The following MYOZ3 variants were observed in gnomAD, a reference collection of about 807,000 sequenced individuals.
MYOZ3 encodes the protein myozenin 3, also known as myozenin-3.
A neutral mutation model predicts 26.5 loss-of-function variants in MYOZ3; 19 were observed. That is an observed-to-expected ratio of 0.72 (90% confidence interval 0.50 to 1.05). The LOEUF is 1.05. Ranked by LOEUF, MYOZ3 falls within the 50% of genes least tolerant of loss-of-function variation. The probability of loss-of-function intolerance (pLI) is 0.00; values close to 1 mark genes in which losing one functional copy is unlikely to be tolerated. For synonymous variants in MYOZ3, 135 were observed against 138.8 expected (o/e 0.97, Z 0.19); for missense variants, 322 against 337.1 (o/e 0.96, Z 0.35).
At chr5:150,661,675 T>C (rs750117139) in intron 1 of MYOZ3, among the ~76,000 whole-genome samples, 2 of 152,178 alleles carry the variant, frequency 1.3e-5, no homozygotes, top group Non-Finnish European at 2.9e-5. Flanking sequence ...CTCAGGACTT[T>C]GGGATTTTTA....
chr5:150,664,633 T>A (rs1758781409), intron 2 of MYOZ3, among the ~76,000 whole-genome samples: 1 of 152,184 alleles, frequency 6.6e-6, no homozygotes, highest in Non-Finnish European at 1.5e-5. Context: ...CCACCACAAC[T>A]CCCTAAGTTA....
At chr5:150,666,518 G>A (rs1269351606) in intron 2 of MYOZ3, among the ~76,000 whole-genome samples, 1 of 150,552 alleles carries the variant, frequency 6.6e-6, no homozygotes, top group Non-Finnish European at 1.5e-5. Flanking sequence ...CGAGACTGAG[G>A]CAGGAGAATC....
intron 6 of MYOZ3, among the ~76,000 whole-genome samples, chr5:150,674,665 C>T (rs186342908): frequency 6.6e-6 from 1 of 152,220 alleles, no homozygotes; most frequent in African/African-American, 2.4e-5. Flanking sequence ...CCACTGGTCC[C>T]AGGCTGCTGG....
rs967031182 is a variant in MYOZ3 at position 150,677,481 on chromosome 5, C to T, written c.*606C>T. 6.6e-6 allele frequency: 1 copy of T among 152,588 alleles called. No individual in the cohort carries two copies. Among genetic ancestry groups the T allele is most frequent in the Non-Finnish European group, 1.5e-5 (1 of 68,262 alleles). 9.5% of individuals were successfully genotyped at this position (152,588 alleles called of 1,614,324 possible). A position where few individuals can be genotyped will look rare whatever the true frequency, so the allele number is the denominator to read the frequency against. On this transcript the variant is annotated 3_prime_UTR_variant, in exon 7 of 7. Coordinates refer to ENST00000517768, the MANE Select transcript of MYOZ3 (RefSeq NM_001122853.3). ...AGTACTCCAGGTGATTCCAGCATAA[C>T]TTATCCATGGTTTGTGTCATTAGGA...
At chr5:150,667,955 T>C (rs1177365431) in intron 2 of MYOZ3, among the ~76,000 whole-genome samples, 1 of 152,244 alleles carries the variant, frequency 6.6e-6, no homozygotes, top group Non-Finnish European at 1.5e-5. Context: ...AGTAATGATT[T>C]GATACCATTT....
chr5:150,666,630 A>AAT (rs1554113785), intron 2 of MYOZ3, among the ~76,000 whole-genome samples: 2,223 of 122,706 alleles, frequency 0.018, 38 homozygotes, highest in African/African-American at 0.037. Flanking sequence ...AAAAAAAAAA[A>AAT]ATATATATAT....
intron 2 of MYOZ3, among the ~76,000 whole-genome samples, chr5:150,666,849 C>T (rs1047115431): frequency 2.6e-5 from 4 of 151,774 alleles, no homozygotes; most frequent in Admixed American, 1.3e-4. Context: ...CAAACTTCAC[C>T]TCCACCTTCA....
In MYOZ3 at chr5:150,676,906, C is replaced by T. The variant is rs112408743; in HGVS notation, c.*31C>T. On this transcript the variant is annotated 3_prime_UTR_variant, in exon 7 of 7. Transcript: ENST00000517768. ...GCCTGAATCTTCAGTTCCCCAGTCT[C>T]GGGGGCCTGGTAACATCCGGAGCCA... The T allele has an allele frequency of 1.4e-5, 22 of 1,583,846 alleles. No individual in the cohort carries two copies. The highest frequency in any genetic ancestry group is 1.1e-4 in the East Asian group (5 of 44,470).
rs746584047 is a variant in MYOZ3 at position 150,671,588 on chromosome 5, C to T, written c.217-9C>T. On this transcript the variant is annotated splice_polypyrimidine_tract_variant and intron_variant, in intron 3 of 6. Coordinates refer to ENST00000517768, the MANE Select transcript of MYOZ3 (RefSeq NM_001122853.3). ...TTCTCTGCGGTTTATTCTACCCCCT[C>T]GTTCCCAGATGCTGGCCGGAAGCGC... 7 of 1,613,674 alleles carry T rather than the reference C, an allele frequency of 4.3e-6. No individual in the cohort carries two copies. The highest frequency in any genetic ancestry group is 5.9e-6 in the Non-Finnish European group (7 of 1,179,850).
intron 2 of MYOZ3, among the ~76,000 whole-genome samples, chr5:150,669,319 G>A (rs895927464): frequency 2.0e-5 from 3 of 151,774 alleles, no homozygotes; most frequent in African/African-American, 4.8e-5. Context: ...GTGGTGGTGC[G>A]CACCTGTAAT....
rs532402882 is a variant in MYOZ3, at chr5:150,669,633, CTTTTTTTTTTTTTTTTTTT to C, written c.62-837_62-819del. The stretch of plus-strand genomic sequence containing the variant: ...CAACTTTCCTCAGGGCCCATATATG[CTTTTTTTTTTTTTTTTTTT>C]TTTTTTTTTTTTTGATGGAAAATCA... On this transcript the variant is annotated intron_variant, in intron 2 of 6. Transcript: ENST00000517768. 4.3e-3 allele frequency among the ~76,000 whole-genome samples: 203 copies of C among 47,756 alleles called. 5 individuals are homozygous for C. Among genetic ancestry groups the C allele is most frequent in the Non-Finnish European group, 7.6e-3 (157 of 20,758 alleles). The allele number at this position is 47,756 out of a possible 152,430, so 31.3% of individuals were successfully genotyped here. A position where few individuals can be genotyped will look rare whatever the true frequency, so the allele number is the denominator to read the frequency against.
At chr5:150,666,033 T>TAAAAAAAAAAA (rs61227926) in intron 2 of MYOZ3, among the ~76,000 whole-genome samples, 3 of 115,816 alleles carry the variant, frequency 2.6e-5, no homozygotes, top group Non-Finnish European at 3.6e-5. Context: ...GAAACTCGTC[T>TAAAAAAAAAAA]AAAAAAAAAA....
chr5:150,666,341 C>T (rs1030009936), intron 2 of MYOZ3, among the ~76,000 whole-genome samples: 26 of 151,576 alleles, frequency 1.7e-4, no homozygotes, highest in Admixed American at 1.1e-3. Flanking sequence ...GGGCCGGGCG[C>T]GGTGGCTCAC....
chr5:150,669,776 G>T (rs1758872877), intron 2 of MYOZ3, among the ~76,000 whole-genome samples: 1 of 151,022 alleles, frequency 6.6e-6, no homozygotes. Flanking sequence ...CTCCAGAGTG[G>T]CTGGGATTAC....
intron 2 of MYOZ3, among the ~76,000 whole-genome samples, chr5:150,667,556 G>A (rs1239541161): frequency 6.6e-6 from 1 of 152,076 alleles, no homozygotes; most frequent in African/African-American, 2.4e-5. Flanking sequence ...CATTCCTTCA[G>A]CAATTCTCCC....
At chr5:150,663,824 A>G (rs897293277) in intron 2 of MYOZ3, among the ~76,000 whole-genome samples, 5 of 151,328 alleles carry the variant, frequency 3.3e-5, no homozygotes, top group African/African-American at 1.2e-4. Flanking sequence ...GTGAGACTCC[A>G]TCTCTACAAA....
Position 150,676,718 on chromosome 5 carries a change from C to A in MYOZ3, c.599C>A (p.Pro200Gln). 1 of 1,613,970 alleles carries A rather than the reference C, an allele frequency of 6.2e-7. No homozygotes were observed. Among genetic ancestry groups the A allele is most frequent in the Non-Finnish European group, 8.5e-7 (1 of 1,179,956 alleles). ...DYRNFNKTPV[P>Q]FGGPLVGGTF... ...CTCTCTTTCTCCAGGACCCCGGTGC[C>A]ATTTGGAGGACCCCTCGTGGGGGGC... The change falls in exon 7 of 7, where the codon CCA (proline) becomes CAA (glutamine). Residue 200 changes from proline (P) to glutamine (Q), a missense_variant. Pro to Gln is a moderately conservative substitution (Grantham distance 76). Transcript: ENST00000517768.
rs1428957442 is a variant in MYOZ3 at position 150,670,618 on chromosome 5, T to A, written c.196T>A (p.Leu66Ile). The change falls in exon 3 of 7, where the codon TTA (leucine) becomes ATA (isoleucine). Residue 66 changes from leucine to isoleucine, a missense_variant. Transcript: ENST00000517768. ...QRRVQKFTFE[L>I]AASQRAMLAG... ...CCGTGTGCAGAAGTTCACTTTCGAG[T>A]TAGCAGCCAGCCAGCGGGCGGTGAG... The A allele has an allele frequency of 6.2e-7, 1 of 1,609,602 alleles. No homozygotes were observed. Among genetic ancestry groups the A allele is most frequent in the Non-Finnish European group, 8.5e-7 (1 of 1,176,798 alleles).
intron 2 of MYOZ3, among the ~76,000 whole-genome samples, chr5:150,663,571 C>T (rs1758767003): frequency 6.6e-6 from 1 of 152,170 alleles, no homozygotes; most frequent in South Asian, 2.1e-4. Context: ...ATGAGTAAAT[C>T]ATTTTTATCA....
Sources: gnomAD v4.1 joint callset for allele counts (sites outside exome capture counted in the v4.1 genomes callset) on GRCh38, gnomAD v4.1.1 for gene constraint, MANE v1.5 for transcripts, NCBI Gene and HGNC (gene_info 2026-07-23, HGNC 2026-07-21) for gene names.